FSTL5: variants seen among roughly 807,000 people sequenced by gnomAD.
The protein encoded by FSTL5 is follistatin like 5.
Under a neutral mutation model 89.1 loss-of-function variants are expected in FSTL5, and 62 were observed. That is an observed-to-expected ratio of 0.70 (90% CI 0.57 to 0.86). The LOEUF (loss-of-function observed/expected upper bound fraction) is 0.86. FSTL5 is among the 40% of genes least tolerant of loss of function. The probability of loss-of-function intolerance (pLI) is 0.00; values close to 1 mark genes in which losing one functional copy is unlikely to be tolerated. For missense variants in FSTL5, 1,057 were observed against 1,001.6 expected (o/e 1.06, Z -0.75); for synonymous variants, 383 against 346.2 (o/e 1.11, Z -1.18).
At chr4:161,487,427 T>G (rs1326600762) in intron 12 of FSTL5, among the ~76,000 whole-genome samples, 1 of 152,148 alleles carries the variant, frequency 6.6e-6, no homozygotes, top group Non-Finnish European at 1.5e-5. Flanking sequence ...CCATAGAAAT[T>G]GAAAATAACC....
At chr4:161,695,760 C>T (rs1226956683) in intron 6 of FSTL5, among the ~76,000 whole-genome samples, 2 of 151,952 alleles carry the variant, frequency 1.3e-5, no homozygotes, top group African/African-American at 2.4e-5. Context: ...ATTTGCAGGT[C>T]TTCTTTTGAG....
At chr4:162,153,718 A>AC (rs1488027974) in intron 1 of FSTL5, among the ~76,000 whole-genome samples, 34 of 133,820 alleles carry the variant, frequency 2.5e-4, no homozygotes, top group African/African-American at 8.4e-4. Flanking sequence ...ATATGTATAT[A>AC]ATAATATATG....
At chr4:162,012,482 A>G (rs932588678) in intron 3 of FSTL5, among the ~76,000 whole-genome samples, 1 of 152,180 alleles carries the variant, frequency 6.6e-6, no homozygotes, top group Non-Finnish European at 1.5e-5. Flanking sequence ...ATGAAATAAT[A>G]TAACCCAAAT....
chr4:162,001,954 T>C (rs978779647), intron 3 of FSTL5, among the ~76,000 whole-genome samples: 1 of 152,186 alleles, frequency 6.6e-6, no homozygotes, highest in South Asian at 2.1e-4. Context: ...CTAAATAATA[T>C]AAGGTTGCAA....
intron 6 of FSTL5, among the ~76,000 whole-genome samples, chr4:161,717,682 A>T (rs185832129): frequency 6.6e-6 from 1 of 152,290 alleles, no homozygotes; most frequent in Admixed American, 6.5e-5. Context: ...AAAAAAACTC[A>T]ATCTTTTTTT....
intron 1 of FSTL5, among the ~76,000 whole-genome samples, chr4:162,135,499 A>T (rs894551114): frequency 3.9e-5 from 6 of 152,074 alleles, no homozygotes; most frequent in Non-Finnish European, 5.9e-5. Context: ...ATATAACCTA[A>T]AATAAAAATG....
chr4:161,615,822 CTAT>C (rs887736547), intron 7 of FSTL5, among the ~76,000 whole-genome samples: 8 of 152,050 alleles, frequency 5.3e-5, no homozygotes, highest in Admixed American at 3.3e-4. Context: ...TATATTTACA[CTAT>C]TATTATATTT....
At chr4:161,701,110 A>T (rs1738372468) in intron 6 of FSTL5, among the ~76,000 whole-genome samples, 1 of 152,172 alleles carries the variant, frequency 6.6e-6, no homozygotes, top group Non-Finnish European at 1.5e-5. Flanking sequence ...TTAAGCTTTT[A>T]TTCTTTTTGT....
chr4:162,020,933 T>C (rs1737060238), intron 3 of FSTL5, among the ~76,000 whole-genome samples: 1 of 152,156 alleles, frequency 6.6e-6, no homozygotes, highest in Admixed American at 6.5e-5. Context: ...TTAATTTTAC[T>C]TTTTAAATGT....
chr4:162,017,639 T>A (rs1436097911), intron 3 of FSTL5, among the ~76,000 whole-genome samples: 2 of 152,130 alleles, frequency 1.3e-5, no homozygotes, highest in African/African-American at 4.8e-5. Flanking sequence ...TTTTCATACT[T>A]CCAGCAGACC....
At chr4:161,467,788 C>T (rs373476067) in intron 13 of FSTL5, among the ~76,000 whole-genome samples, 38 of 151,994 alleles carry the variant, frequency 2.5e-4, no homozygotes, top group African/African-American at 6.3e-4. Context: ...TCTAAAGAGG[C>T]GCACAGGCTG....
chr4:161,464,738 T>C (rs1298634661), intron 13 of FSTL5, among the ~76,000 whole-genome samples: 1 of 152,118 alleles, frequency 6.6e-6, no homozygotes, highest in Non-Finnish European at 1.5e-5. Context: ...AGTTGCAAAA[T>C]TTTGTAGCAT....
At chr4:161,673,048 C>A (rs970779299) in intron 6 of FSTL5, among the ~76,000 whole-genome samples, 1 of 151,708 alleles carries the variant, frequency 6.6e-6, no homozygotes, top group African/African-American at 2.4e-5. Context: ...AGGTTTTGGG[C>A]AATTTATCTT....
rs6823832 is a variant in FSTL5 at position 161,487,025 on chromosome 4, A to G, written c.1459-5856T>C. Among the ~76,000 whole-genome samples the G allele has an allele frequency of 8.1e-3, 1,238 of 152,266 alleles. 17 individuals are homozygous for G. Among genetic ancestry groups the G allele is most frequent in the African/African-American group, 0.028 (1,148 of 41,570 alleles). On this transcript the variant is annotated intron_variant, in intron 12 of 15. Coordinates refer to ENST00000306100, the MANE Select transcript of FSTL5 (RefSeq NM_020116.5). ...TGGCAGCCAAATTTCCAACACCTAC[A>G]TAATTCATTCCTAACTTTGAGGTGT...
intron 12 of FSTL5, among the ~76,000 whole-genome samples, chr4:161,498,143 G>A (rs1267122091): frequency 6.6e-6 from 1 of 151,794 alleles, no homozygotes; most frequent in Non-Finnish European, 1.5e-5. Flanking sequence ...GATACATAGA[G>A]AAATAATATG....
chr4:161,915,765 C>T (rs1469398866), intron 4 of FSTL5, among the ~76,000 whole-genome samples: 1 of 127,092 alleles, frequency 7.9e-6, no homozygotes, highest in African/African-American at 2.8e-5. Flanking sequence ...CTAATACTGA[C>T]AACAAAAACA....
intron 1 of FSTL5, among the ~76,000 whole-genome samples, chr4:162,149,904 C>T (rs1301385445): frequency 6.6e-6 from 1 of 152,090 alleles, no homozygotes; most frequent in African/African-American, 2.4e-5. Flanking sequence ...AGAAGTTTCA[C>T]TATTCTGCCA....
chr4:161,728,727 G>A (rs1739505349), intron 6 of FSTL5, among the ~76,000 whole-genome samples: 1 of 152,144 alleles, frequency 6.6e-6, no homozygotes, highest in Admixed American at 6.5e-5. Flanking sequence ...TAATTAAGAT[G>A]TGACAATGTA....
chr4:161,866,507 T>TGTGTGTGG (rs945178320), intron 4 of FSTL5, among the ~76,000 whole-genome samples: 1 of 146,160 alleles, frequency 6.8e-6, no homozygotes, highest in Admixed American at 6.9e-5. Flanking sequence ...TGTGTGTGTG[T>TGTGTGTGG]GGTTTCAATC....
Sources: gnomAD v4.1 joint callset for allele counts (sites outside exome capture counted in the v4.1 genomes callset) on GRCh38, gnomAD v4.1.1 for gene constraint, MANE v1.5 for transcripts, NCBI Gene and HGNC (gene_info 2026-07-23, HGNC 2026-07-21) for gene names.